The following RTF1 variants were observed in gnomAD, a reference collection of about 807,000 sequenced individuals.
The protein encoded by RTF1 is RNA polymerase-associated protein RTF1 homolog.
In RTF1, 10 loss-of-function variants were observed where a neutral mutation model predicts 95.7. The ratio of observed to expected loss-of-function variants is 0.10; its 90% CI spans 0.06 to 0.18. The LOEUF is 0.18. Ranked by LOEUF, RTF1 falls within the 10% of genes least tolerant of loss-of-function variation. The pLI is 1.00. For synonymous variants in RTF1, 305 were observed against 311.8 expected, an observed-to-expected ratio of 0.98 and a Z score of 0.23; for missense variants, 458 against 875.6, an observed-to-expected ratio of 0.52 and a Z score of 6.02.
At chr15:41,418,894 G>A (rs1566833449) in intron 1 of RTF1, among the ~76,000 whole-genome samples, 1 of 151,486 alleles carries the variant, frequency 6.6e-6, no homozygotes, top group South Asian at 2.1e-4. Flanking sequence ...TCGCACTGTC[G>A]CCCAGGCTGG....
At chr15:41,470,226 A>T in intron 6 of RTF1, 31 bp from the exon 7 acceptor site, 1 of 1,594,906 alleles carries the variant, frequency 6.3e-7, no homozygotes, top group South Asian at 1.1e-5. Context: ...TGTTGAGAAA[A>T]CCTAGGTAAA....
At chr15:41,473,637 A>T (rs919995081) in intron 8 of RTF1, among the ~76,000 whole-genome samples, 3 of 152,136 alleles carry the variant, frequency 2.0e-5, no homozygotes, top group Admixed American at 6.6e-5. Flanking sequence ...ATCAGAGCTC[A>T]TTGCAACCTT....
intron 6 of RTF1, among the ~76,000 whole-genome samples, chr15:41,466,633 T>C (rs1344736889): frequency 6.6e-6 from 1 of 152,246 alleles, no homozygotes; most frequent in Non-Finnish European, 1.5e-5. Flanking sequence ...TCTATTTGTT[T>C]TGTAATTTAA....
intron 2 of RTF1, among the ~76,000 whole-genome samples, chr15:41,448,519 C>T (rs1010866040): frequency 3.3e-5 from 5 of 151,878 alleles, no homozygotes; most frequent in South Asian, 2.1e-4. Flanking sequence ...TTCTCATTTT[C>T]GCCCGGGTAT....
chr15:41,435,475 T>C (rs1444335958), intron 1 of RTF1, among the ~76,000 whole-genome samples: 1 of 152,102 alleles, frequency 6.6e-6, no homozygotes, highest in Non-Finnish European at 1.5e-5. Flanking sequence ...GTGCCCAGTT[T>C]ACCTCAGGTT....
intron 1 of RTF1, among the ~76,000 whole-genome samples, chr15:41,427,372 G>C (rs779590913): frequency 1.7e-4 from 23 of 136,538 alleles, no homozygotes; most frequent in Non-Finnish European, 8.0e-5. Context: ...AGGATGGTCT[G>C]GATCTCCTGA....
intron 1 of RTF1, among the ~76,000 whole-genome samples, chr15:41,420,839 A>C (rs1303354356): frequency 6.6e-6 from 1 of 152,140 alleles, no homozygotes; most frequent in Non-Finnish European, 1.5e-5. Context: ...TCCTAGACCT[A>C]CTGAATCAGA....
chr15:41,425,822 T>C (rs941013913), intron 1 of RTF1, among the ~76,000 whole-genome samples: 5 of 152,116 alleles, frequency 3.3e-5, no homozygotes, highest in African/African-American at 1.2e-4. Context: ...TGATTAGATG[T>C]TAGGATGAGA....
At chr15:41,432,354 C>T (rs767456294) in intron 1 of RTF1, among the ~76,000 whole-genome samples, 5 of 150,860 alleles carry the variant, frequency 3.3e-5, no homozygotes, top group African/African-American at 9.7e-5. Flanking sequence ...CTCGCCACCA[C>T]GCCTGGCTAA....
intron 2 of RTF1, among the ~76,000 whole-genome samples, chr15:41,441,279 A>G (rs1369180425): frequency 2.6e-5 from 4 of 151,880 alleles, no homozygotes; most frequent in Non-Finnish European, 2.9e-5. Context: ...CCTCTCTCCC[A>G]CTATTCTTAT....
intron 8 of RTF1, among the ~76,000 whole-genome samples, 184 bp from the exon 9 acceptor site, chr15:41,474,436 C>T (rs923461455): frequency 2.0e-5 from 3 of 152,352 alleles, no homozygotes; most frequent in Non-Finnish European, 4.4e-5. Flanking sequence ...GGGCACAAGG[C>T]TCCCTGTGCT....
chr15:41,438,810 G>A (rs1055178035), intron 2 of RTF1, among the ~76,000 whole-genome samples: 14 of 151,646 alleles, frequency 9.2e-5, no homozygotes, highest in Admixed American at 5.9e-4. Context: ...GCAGTGAGCC[G>A]GGATCGCCCC....
In RTF1 at chr15:41,471,168, T is replaced by A. The variant is rs1227303286; in HGVS notation, c.1026-4T>A. 6.3e-7 allele frequency: 1 copy of A among 1,593,768 alleles called. No individual in the cohort carries two copies. The highest frequency in any genetic ancestry group is 1.4e-5 in the African/African-American group (1 of 73,822). ...TTTTTCCAGTGCCCCTTTGTTCCTC[T>A]TAGGAAAGAAGAGATCCCTCCCAAA... is the stretch of plus-strand genomic sequence containing the variant. On this transcript the variant is annotated splice_polypyrimidine_tract_variant and splice_region_variant and intron_variant, in intron 7 of 17. Coordinates refer to ENST00000389629, the MANE Select transcript of RTF1 (RefSeq NM_015138.5).
At chr15:41,450,252 C>G (rs1329010247) in intron 2 of RTF1, among the ~76,000 whole-genome samples, 1 of 152,140 alleles carries the variant, frequency 6.6e-6, no homozygotes, top group Admixed American at 6.6e-5. Flanking sequence ...TAGCGGCACT[C>G]CAACTTCTCA....
chr15:41,460,350 T>C (rs2050841498), intron 4 of RTF1, among the ~76,000 whole-genome samples: 1 of 152,126 alleles, frequency 6.6e-6, no homozygotes, highest in African/African-American at 2.4e-5. Context: ...CTCAAACTCC[T>C]GACCTCAAGT....
chr15:41,478,944 T>G, intron 15 of RTF1, 159 bp from the exon 16 acceptor site: 1 of 131,190 alleles, frequency 7.6e-6, no homozygotes, highest in Non-Finnish European at 1.6e-5. Flanking sequence ...TGTAATTGCC[T>G]TTTTTTTTTT....
intron 1 of RTF1, among the ~76,000 whole-genome samples, chr15:41,419,687 T>C (rs1161963573): frequency 6.6e-6 from 1 of 152,172 alleles, no homozygotes; most frequent in African/African-American, 2.4e-5. Context: ...GAACTGCAAA[T>C]TATTGTCCTT....
chr15:41,443,245 A>T (rs559876353), intron 2 of RTF1, among the ~76,000 whole-genome samples: 5 of 152,246 alleles, frequency 3.3e-5, no homozygotes, highest in Admixed American at 2.6e-4. Flanking sequence ...GACATTCAGT[A>T]TAATGTCATA....
chr15:41,465,057 G>T (rs1414313736), intron 5 of RTF1, among the ~76,000 whole-genome samples, 172 bp downstream of exon 5: 1 of 152,050 alleles, frequency 6.6e-6, no homozygotes, highest in African/African-American at 2.4e-5. Flanking sequence ...TAGCTGTGCT[G>T]TTAAATCCTT....
Sources: allele counts gnomAD v4.1 joint callset (sites outside exome capture counted in the v4.1 genomes callset), GRCh38; gene constraint gnomAD v4.1.1; transcripts MANE v1.5; gene names NCBI Gene and HGNC (gene_info 2026-07-23, HGNC 2026-07-21).